Variants in CDRT4 observed in about 807,000 individuals in gnomAD.
The protein encoded by CDRT4 is CMT1A duplicated region transcript 4 protein.
For synonymous variants in CDRT4, 64 were observed against 69.6 expected (o/e 0.92, Z 0.40); for missense variants, 167 against 193.1 (o/e 0.87, Z 0.80).
At position 15,450,307 on chromosome 17, in the gene CDRT4, C is replaced by A. The variant is rs1979204560; in HGVS notation, c.-48+2697G>T. On this transcript the variant is annotated intron_variant, in intron 2 of 3. Transcript: ENST00000619038. This position sits in a 1 kb window ranked among gnomAD's most constrained non-coding sequence, Gnocchi z 4.2. The stretch of plus-strand genomic sequence containing the variant: ...TCTCCCACCATCACTCGTACCAACT[C>A]TCCACCATAAGCTCCCCTGCACTAT... Among the ~76,000 whole-genome samples, 1 of 152,196 alleles carries A rather than the reference C, an allele frequency of 6.6e-6. No individual in the cohort carries two copies. Among genetic ancestry groups the A allele is most frequent in the African/African-American group, 2.4e-5 (1 of 41,440 alleles).
At chr17:15,452,787 A>G (rs1430798739) in intron 2 of CDRT4, among the ~76,000 whole-genome samples, 2 of 152,152 alleles carry the variant, frequency 1.3e-5, no homozygotes, top group Non-Finnish European at 2.9e-5. Context: ...GCTCCCAAGT[A>G]TCTTATCTGA....
chr17:15,456,148 G>GT (rs1979471625), intron 1 of CDRT4, among the ~76,000 whole-genome samples: 4 of 152,138 alleles, frequency 2.6e-5, no homozygotes, highest in South Asian at 4.1e-4. Flanking sequence ...TTCTACTAAA[G>GT]TAAGGGAACC....
chr17:15,462,729 T>C (rs1567614960), intron 1 of CDRT4, among the ~76,000 whole-genome samples: 1 of 151,780 alleles, frequency 6.6e-6, no homozygotes, highest in Non-Finnish European at 1.5e-5. Context: ...ACAGGCAAAA[T>C]ATAGGGTTTA....
rs755690353 is a variant in CDRT4 at position 15,437,754 on chromosome 17, G to C, written c.*19C>G. On this transcript the variant is annotated 3_prime_UTR_variant, in exon 4 of 4. Coordinates refer to ENST00000619038, the MANE Select transcript of CDRT4 (RefSeq NM_001204477.2). ...GCAGGGACCCCTGGCTAAAACATTT[G>C]CATGTTTCTCCTTGTTGGTCAGTAG... 1 of 1,606,694 alleles carries C rather than the reference G, an allele frequency of 6.2e-7. No individual in the cohort carries two copies. The highest frequency in any genetic ancestry group is 1.7e-5 in the Admixed American group (1 of 59,764).
At chr17:15,454,362 G>C (rs571469445) in intron 1 of CDRT4, among the ~76,000 whole-genome samples, 1 of 152,246 alleles carries the variant, frequency 6.6e-6, no homozygotes, top group Admixed American at 6.5e-5. Flanking sequence ...GATGTTTCCA[G>C]CCAACAGGCA....
intron 2 of CDRT4, among the ~76,000 whole-genome samples, chr17:15,442,729 G>A (rs768553191): frequency 1.4e-4 from 21 of 152,292 alleles, no homozygotes; most frequent in East Asian, 3.9e-4. Context: ...GGTTTTTCTC[G>A]TACCTGCTGA....
Position 15,438,101 on chromosome 17 carries a change from A to G in CDRT4, c.131T>C (p.Ile44Thr), listed in dbSNP as rs1271226599. The change falls in exon 4 of 4, where the codon ATT becomes ACT. Residue 44 changes from isoleucine (I) to threonine (T), a missense_variant. By Grantham distance (89) the Ile-to-Thr change is moderately conservative. Coordinates refer to ENST00000619038, the MANE Select transcript of CDRT4 (RefSeq NM_001204477.2). ...CAGTTCTCTAGTTTTGCTTTTCTCA[A>G]TGAGTCTTTTCACTGTCTGAGAGGT... The part of the protein sequence containing the change: ...TYTSQTVKRL[I>T]EKSKTRELEC... 1 of 1,614,056 alleles carries G rather than the reference A, an allele frequency of 6.2e-7. No homozygotes were observed.
chr17:15,454,072 C>T (rs1979380949), intron 1 of CDRT4, among the ~76,000 whole-genome samples: 2 of 152,166 alleles, frequency 1.3e-5, no homozygotes, highest in South Asian at 4.1e-4. Context: ...CAAGACACAT[C>T]TTGCCAAAAC....
chr17:15,465,681 A>C (rs1405782270), intron 1 of CDRT4, among the ~76,000 whole-genome samples: 1 of 152,166 alleles, frequency 6.6e-6, no homozygotes, highest in African/African-American at 2.4e-5. Flanking sequence ...ACAACACACA[A>C]AACACACAAA....
chr17:15,447,179 A>C (rs981692358), intron 2 of CDRT4, among the ~76,000 whole-genome samples: 2 of 152,234 alleles, frequency 1.3e-5, no homozygotes, highest in African/African-American at 4.8e-5. Context: ...ATAGGACAAT[A>C]CATGTTCCAT....
In CDRT4 at chr17:15,450,892, A is replaced by G. The variant is rs1979229483; in HGVS notation, c.-48+2112T>C. Among the ~76,000 whole-genome samples, 1 of 152,116 alleles carries G rather than the reference A, an allele frequency of 6.6e-6. No individual in the cohort carries two copies. Among genetic ancestry groups the G allele is most frequent in the Non-Finnish European group, 1.5e-5 (1 of 68,026 alleles). On this transcript the variant is annotated intron_variant, in intron 2 of 3. Coordinates refer to ENST00000619038, the MANE Select transcript of CDRT4 (RefSeq NM_001204477.2). This position sits in a 1 kb window ranked among gnomAD's most constrained non-coding sequence, Gnocchi z 4.2. ...TCTTTCTTCTTCATTCAATATCTCC[A>G]GCCCATTATCCTCCCCAAACCCAGC...
intron 1 of CDRT4, among the ~76,000 whole-genome samples, chr17:15,458,577 C>A (rs1979595406): frequency 6.6e-6 from 1 of 152,164 alleles, no homozygotes. Flanking sequence ...AGAAACAAAC[C>A]ACTAAATGTC....
At chr17:15,444,501 T>G (rs1355135189) in intron 2 of CDRT4, among the ~76,000 whole-genome samples, 2 of 152,174 alleles carry the variant, frequency 1.3e-5, no homozygotes, top group Admixed American at 1.3e-4. Context: ...ACTGCTGTTC[T>G]AGAATCTAAA....
chr17:15,464,437 C>T lies in CDRT4; in HGVS notation c.-130+3023G>A, dbSNP rs532240937. ...TCACTGCAGCAGCGGCTGCCTTTTCCGAGCTCGCTTCTTCCCTTCCCACCC... is the reference window on the plus strand; with the variant it reads ...TCACTGCAGCAGCGGCTGCCTTTTCTGAGCTCGCTTCTTCCCTTCCCACCC... On this transcript the variant is annotated intron_variant, in intron 1 of 3. Transcript: ENST00000619038. The surrounding 1 kb of genome is among the most constrained non-coding windows in gnomAD (Gnocchi z 4.5). Among the ~76,000 whole-genome samples, 8 of 152,270 alleles carry T rather than the reference C, an allele frequency of 5.3e-5. No individual in the cohort carries two copies. The East Asian group carries it at 5.8e-4, about 11-fold the overall frequency.
chr17:15,441,239 C>T (rs910058862), intron 2 of CDRT4, among the ~76,000 whole-genome samples: 5 of 152,132 alleles, frequency 3.3e-5, no homozygotes, highest in South Asian at 2.1e-4. Context: ...TTTGGTCTGG[C>T]GATCACACTT....
In CDRT4 at chr17:15,436,976, T is replaced by C. The variant is rs1337171609; in HGVS notation, c.*797A>G. 2 of 151,502 alleles carry C rather than the reference T, an allele frequency of 1.3e-5. No individual in the cohort carries two copies. The highest frequency in any genetic ancestry group is 2.9e-5 in the Non-Finnish European group (2 of 68,006). The allele number at this position is 151,502 out of a possible 1,614,324, so 9.4% of individuals were successfully genotyped here. ...GAAGTGGCCCCTTGCTCACTTCCTG[T>C]TTGCTTCCTGTTCACTTTCTATCAG... On this transcript the variant is annotated 3_prime_UTR_variant, in exon 4 of 4. Coordinates refer to ENST00000619038, the MANE Select transcript of CDRT4 (RefSeq NM_001204477.2).
At chr17:15,453,990 T>C (rs777545045) in intron 1 of CDRT4, among the ~76,000 whole-genome samples, 1 of 152,106 alleles carries the variant, frequency 6.6e-6, no homozygotes, top group Non-Finnish European at 1.5e-5. Context: ...TCATCATTAA[T>C]ATGCAGGATG....
At chr17:15,440,752 T>C (rs944009213) in intron 2 of CDRT4, among the ~76,000 whole-genome samples, 1 of 151,370 alleles carries the variant, frequency 6.6e-6, no homozygotes, top group Non-Finnish European at 1.5e-5. Context: ...TGGCCAGGAG[T>C]CAGCTACCAG....
rs539795601 is a variant in CDRT4 at position 15,452,368 on chromosome 17, A to G, written c.-48+636T>C. 2.0e-5 allele frequency: 3 copies of G among 152,338 alleles called. No individual in the cohort carries two copies. The South Asian group carries it at 6.2e-4, about 32-fold the overall frequency. The allele number at this position is 152,338 out of a possible 1,614,324, so 9.4% of individuals were successfully genotyped here. On this transcript the variant is annotated intron_variant, in intron 2 of 3. Coordinates refer to ENST00000619038, the MANE Select transcript of CDRT4 (RefSeq NM_001204477.2). ...AAGGAGCAAGAATTCAAGCACATGG[A>G]CCCGTGACAGTCCAGGATTCACACT...
Sources: allele counts gnomAD v4.1 joint callset (sites outside exome capture counted in the v4.1 genomes callset), GRCh38; gene constraint gnomAD v4.1.1; non-coding constraint Gnocchi (gnomAD v3.1); transcripts MANE v1.5; gene names NCBI Gene and HGNC (gene_info 2026-07-23, HGNC 2026-07-21).